SLC19A1: variants seen among roughly 807,000 people sequenced by gnomAD.
SLC19A1 encodes the protein solute carrier family 19 member 1, also known as reduced folate transporter.
Under a neutral mutation model 35.3 loss-of-function variants are expected in SLC19A1, and 37 were observed. That is an observed-to-expected ratio of 1.05 (90% CI 0.81 to 1.38). The LOEUF (loss-of-function observed/expected upper bound fraction) is 1.38, where lower values mean the gene tolerates loss of function less well. Among genes scored for constraint, SLC19A1 ranks in the 40% most tolerant of loss-of-function variants. The probability of loss-of-function intolerance (pLI) is 0.00; values close to 1 mark genes in which losing one functional copy is unlikely to be tolerated. For missense variants in SLC19A1, 831 were observed against 826.9 expected (o/e 1.00, Z -0.06); for synonymous variants, 460 against 398.5 (o/e 1.15, Z -1.84).
chr21:45,511,969 T>C (rs2037637307), downstream of SLC19A1, among the ~76,000 whole-genome samples: 1 of 152,102 alleles, frequency 6.6e-6, no homozygotes, highest in Non-Finnish European at 1.5e-5. Context: ...GCCGTGGGTG[T>C]GTCTGGCAGA....
At chr21:45,511,286 C>T (rs372572728), downstream of SLC19A1, 88 of 909,130 alleles carry the variant, frequency 9.7e-5, no homozygotes, top group East Asian at 2.6e-4. Flanking sequence ...GGCGGGCGGG[C>T]GGGCTCCTAT....
downstream of SLC19A1, among the ~76,000 whole-genome samples, chr21:45,511,990 G>T (rs375818547): frequency 1.3e-5 from 2 of 152,148 alleles, no homozygotes; most frequent in Non-Finnish European, 2.9e-5. Context: ...AGCAGCATGG[G>T]GGGCAGTCTG....
chr21:45,556,640 A>T (rs1050651212), intron 1 of SLC19A1, among the ~76,000 whole-genome samples: 1 of 152,278 alleles, frequency 6.6e-6, no homozygotes, highest in Non-Finnish European at 1.5e-5. Flanking sequence ...GTCTGCAGCC[A>T]TAGCACCAGG....
downstream of SLC19A1, chr21:45,512,055 G>C: frequency 1.0e-6 from 1 of 959,466 alleles, no homozygotes; most frequent in Non-Finnish European, 1.6e-6. Flanking sequence ...GGCCCTCCAG[G>C]TTGTGGGAGC....
At chr21:45,535,566 C>G (rs932856144) in intron 2 of SLC19A1, among the ~76,000 whole-genome samples, 2 of 152,184 alleles carry the variant, frequency 1.3e-5, no homozygotes, top group African/African-American at 4.8e-5. Flanking sequence ...GCAGCCCACC[C>G]GAGCTGGTGA....
rs772690076 is a variant in SLC19A1, at chr21:45,531,899, C to T, written c.439G>A (p.Ala147Thr). ...SSYIFSLVRP[A>T]RYQRVAGYSR... The stretch of plus-strand genomic sequence containing the variant: ...TAGCCGGCCACACGCTGGTAGCGCG[C>T]GGGCCGCACGAGAGAGAAGATGTAG... The change falls in exon 3 of 6, where the codon GCG becomes ACG. Residue 147 changes from alanine to threonine, a missense_variant. Transcript: ENST00000311124. 2 of 1,588,984 alleles carry T rather than the reference C, an allele frequency of 1.3e-6. No homozygotes were observed. Among genetic ancestry groups the T allele is most frequent in the Non-Finnish European group, 8.6e-7 (1 of 1,168,490 alleles).
Position 45,531,741 on chromosome 21 carries a change from G to A in SLC19A1, c.597C>T (p.Leu199=), listed in dbSNP as rs1569001940. 1.2e-6 allele frequency: 2 copies of A among 1,612,534 alleles called. No individual in the cohort carries two copies. Among genetic ancestry groups the A allele is most frequent in the Non-Finnish European group, 8.5e-7 (1 of 1,179,544 alleles). ...SLAFLTFSVV[L]ALFLKRPKRS... ...GCTTGGGGCGCTTCAGGAAGAGGGC[G>A]AGGACCACGCTGAAGGTGAGGAAGG... Residue 199 remains leucine (L), a synonymous_variant, in exon 3 of 6, where the codon CTC becomes CTT. Transcript: ENST00000311124.
rs2077601314 is a variant in SLC19A1 at position 45,525,970 on chromosome 21, G to A, written c.1152-12C>T. Reference sequence around the variant, plus strand: ...ATGCAATCTGAAAGCTGAACGGGAAGAGCGGGCAGATCAGGCGCTGCTGGG... The same window carrying A: ...ATGCAATCTGAAAGCTGAACGGGAAAAGCGGGCAGATCAGGCGCTGCTGGG... On this transcript the variant is annotated splice_polypyrimidine_tract_variant and intron_variant, in intron 4 of 5. Transcript: ENST00000311124. 1.2e-6 allele frequency: 2 copies of A among 1,612,084 alleles called. No individual in the cohort carries two copies. The highest frequency in any genetic ancestry group is 2.2e-5 in the East Asian group (1 of 44,862).
downstream of SLC19A1, chr21:45,509,378 AG>A: frequency 6.5e-7 from 1 of 1,543,074 alleles, no homozygotes; most frequent in Non-Finnish European, 8.7e-7. Context: ...GCCGCCTTGC[AG>A]CCCCCCGTGG....
chr21:45,557,342 G>A (rs745975930), intron 1 of SLC19A1, among the ~76,000 whole-genome samples: 2 of 152,204 alleles, frequency 1.3e-5, no homozygotes, highest in Admixed American at 6.5e-5. Flanking sequence ...CTTTGACCCC[G>A]TAGCCCGTGC....
At chr21:45,511,332 T>C, downstream of SLC19A1, 1 of 703,862 alleles carries the variant, frequency 1.4e-6, no homozygotes, top group South Asian at 1.5e-5. Context: ...ACAAATCTTA[T>C]ACATGCTCAT....
At chr21:45,535,715 A>T (rs563614683) in intron 2 of SLC19A1, among the ~76,000 whole-genome samples, 1 of 152,278 alleles carries the variant, frequency 6.6e-6, no homozygotes, top group South Asian at 2.1e-4. Context: ...TGCAGCCATC[A>T]CCTGCAGTGG....
chr21:45,546,051 C>T (rs745628854), upstream of SLC19A1, among the ~76,000 whole-genome samples: 38 of 152,226 alleles, frequency 2.5e-4, 1 homozygote, highest in Admixed American at 1.9e-3. Context: ...ATCACAAGGG[C>T]CTAGGGGCCC....
chr21:45,511,610 T>C (rs2037612220), downstream of SLC19A1, among the ~76,000 whole-genome samples: 1 of 152,052 alleles, frequency 6.6e-6, no homozygotes, highest in African/African-American at 2.4e-5. Flanking sequence ...CCTTAAAATG[T>C]TGACAGAAAT....
chr21:45,519,570 C>CAAAAAAAA (rs57639933), intron 5 of SLC19A1, among the ~76,000 whole-genome samples: 33 of 57,200 alleles, frequency 5.8e-4, no homozygotes, highest in Non-Finnish European at 7.2e-4. Context: ...AACTTCTGAG[C>CAAAAAAAA]AAAAAAAAAA....
At chr21:45,528,095 C>CG (rs1420612916) in intron 4 of SLC19A1, among the ~76,000 whole-genome samples, 1 of 148,246 alleles carries the variant, frequency 6.7e-6, no homozygotes, top group Non-Finnish European at 1.5e-5. Flanking sequence ...AGTGGAGGCT[C>CG]GGGGGCAGGC....
chr21:45,532,252 C>T, intron 2 of SLC19A1, 104 bp from the exon 3 acceptor site: 1 of 933,364 alleles, frequency 1.1e-6, no homozygotes, highest in Non-Finnish European at 1.6e-6. Context: ...CCTGCCCCAA[C>T]ACTGCCTGGT....
intron 1 of SLC19A1, among the ~76,000 whole-genome samples, chr21:45,539,858 G>C (rs2078248682): frequency 6.6e-6 from 1 of 152,180 alleles, no homozygotes; most frequent in African/African-American, 2.4e-5. Context: ...GGAAGGGTTA[G>C]GGGAACCTCG....
At chr21:45,548,295 A>G (rs1211410132), upstream of SLC19A1, among the ~76,000 whole-genome samples, 3 of 152,258 alleles carry the variant, frequency 2.0e-5, no homozygotes, top group Non-Finnish European at 4.4e-5. Flanking sequence ...TAACCCTGTC[A>G]AACTTGTAGA....
Sources: gnomAD v4.1 joint callset for allele counts (sites outside exome capture counted in the v4.1 genomes callset) on GRCh38, gnomAD v4.1.1 for gene constraint, MANE v1.5 for transcripts, NCBI Gene and HGNC (gene_info 2026-07-23, HGNC 2026-07-21) for gene names.